CACNA1C: variants seen among roughly 807,000 people sequenced by gnomAD.
CACNA1C encodes the protein voltage-dependent L-type calcium channel subunit alpha-1C.
Under a neutral mutation model 229.0 loss-of-function variants are expected in CACNA1C, and 30 were observed. The ratio of observed to expected loss-of-function variants is 0.13; its 90% CI spans 0.10 to 0.18. The LOEUF (loss-of-function observed/expected upper bound fraction) is 0.18. CACNA1C is among the 10% of genes least tolerant of loss of function. The probability of loss-of-function intolerance (pLI) is 1.00; values close to 1 mark genes in which losing one functional copy is unlikely to be tolerated. For missense variants in CACNA1C, 1,658 were observed against 2,845.0 expected, an observed-to-expected ratio of 0.58 and a Z score of 9.49; for synonymous variants, 1,114 against 1,132.5, an observed-to-expected ratio of 0.98 and a Z score of 0.33.
At chr12:2,184,146 G>A (rs917901267) in intron 3 of CACNA1C, among the ~76,000 whole-genome samples, 7 of 152,212 alleles carry the variant, frequency 4.6e-5, no homozygotes, top group South Asian at 2.1e-4. Flanking sequence ...CTGGGGCTGC[G>A]GTTGTTCTGA....
At chr12:2,522,088 T>C (rs973039468) in intron 9 of CACNA1C, among the ~76,000 whole-genome samples, 1 of 152,184 alleles carries the variant, frequency 6.6e-6, no homozygotes, top group African/African-American at 2.4e-5. Flanking sequence ...ACAGCACCTG[T>C]TTCCTCCCCT....
At chr12:2,036,712 C>G (rs756605832) in intron 1 of CACNA1C, among the ~76,000 whole-genome samples, 7 of 152,118 alleles carry the variant, frequency 4.6e-5, no homozygotes, top group Non-Finnish European at 1.0e-4. Context: ...GATCTGCCCT[C>G]TTCGGCCTCC....
chr12:2,235,405 G>A (rs1370899541), intron 3 of CACNA1C, among the ~76,000 whole-genome samples: 1 of 152,222 alleles, frequency 6.6e-6, no homozygotes, highest in Non-Finnish European at 1.5e-5. Flanking sequence ...CAACCCTGAT[G>A]TGGCAGGACG....
At position 2,677,700 on chromosome 12, in the gene CACNA1C, C is replaced by T. The variant is rs778098452; in HGVS notation, c.4957-33C>T. On this transcript the variant is annotated intron_variant, in intron 40 of 46. Transcript: ENST00000399655. The surrounding 1 kb of genome is among the most constrained non-coding windows in gnomAD (Gnocchi z 7.4). Reference sequence around the variant, plus strand: ...GCTGGGGAGCTTGGAGGAAAGGGAGCGTGGTCCTCACCATCCTCCCCTTGG... The same window carrying T: ...GCTGGGGAGCTTGGAGGAAAGGGAGTGTGGTCCTCACCATCCTCCCCTTGG... 30 of 1,599,178 alleles carry T rather than the reference C, an allele frequency of 1.9e-5. No homozygotes were observed. The highest frequency in any genetic ancestry group is 5.2e-5 in the Admixed American group (3 of 58,196).
At chr12:2,636,090 C>T (rs1208019754) in intron 30 of CACNA1C, among the ~76,000 whole-genome samples, 1 of 152,180 alleles carries the variant, frequency 6.6e-6, no homozygotes, top group Non-Finnish European at 1.5e-5. Context: ...AGTGCTCAGC[C>T]GTGGGAGACA....
chr12:2,119,549 G>T (rs917470609), intron 2 of CACNA1C, among the ~76,000 whole-genome samples: 1 of 152,216 alleles, frequency 6.6e-6, no homozygotes, highest in Non-Finnish European at 1.5e-5. Context: ...ACCTCTGCCT[G>T]CACTACTACT....
chr12:2,611,140 A>T (rs1237027994), intron 28 of CACNA1C, among the ~76,000 whole-genome samples: 1 of 140,294 alleles, frequency 7.1e-6, no homozygotes, highest in Non-Finnish European at 1.5e-5. Flanking sequence ...GATGAGCTGG[A>T]TGCGTTCGTT....
chr12:2,450,460 A>G (rs927478427), intron 4 of CACNA1C, among the ~76,000 whole-genome samples: 5 of 144,634 alleles, frequency 3.5e-5, no homozygotes, highest in East Asian at 2.2e-4. Flanking sequence ...AGGCTGAGGC[A>G]GGAGAATGGC....
chr12:2,653,192 A>G lies in CACNA1C; in HGVS notation c.4075-643A>G, dbSNP rs1434364577. ...CCCAGCTCTGCAAGGCATTGCACTA[A>G]GCACTTTATAAGCCTTAAATCTTTT... On this transcript the variant is annotated intron_variant, in intron 32 of 46. Coordinates refer to ENST00000399655, the MANE Select transcript of CACNA1C (RefSeq NM_000719.7). This position sits in a 1 kb window ranked among gnomAD's most constrained non-coding sequence, Gnocchi z 4.7. 6.6e-6 allele frequency among the ~76,000 whole-genome samples: 1 copy of G among 152,228 alleles called. No homozygotes were observed. The highest frequency in any genetic ancestry group is 2.4e-5 in the African/African-American group (1 of 41,460).
intron 3 of CACNA1C, among the ~76,000 whole-genome samples, chr12:2,316,098 C>T (rs1218005180): frequency 6.6e-6 from 1 of 152,252 alleles, no homozygotes; most frequent in Admixed American, 6.5e-5. Context: ...GTCCCATGCT[C>T]CACCCAGGAA....
chr12:2,160,844 C>T (rs1002697570), intron 3 of CACNA1C, among the ~76,000 whole-genome samples: 1 of 152,160 alleles, frequency 6.6e-6, no homozygotes, highest in Non-Finnish European at 1.5e-5. Flanking sequence ...ATTTTTGAGA[C>T]GGAGTCTTGG....
intron 3 of CACNA1C, among the ~76,000 whole-genome samples, chr12:2,409,124 A>C (rs1024481676): frequency 2.6e-5 from 4 of 152,212 alleles, no homozygotes; most frequent in African/African-American, 7.2e-5. Context: ...ACATGTGATC[A>C]TACACACTTA....
At chr12:2,252,576 G>A (rs1207276267) in intron 3 of CACNA1C, among the ~76,000 whole-genome samples, 2 of 152,196 alleles carry the variant, frequency 1.3e-5, no homozygotes, top group African/African-American at 4.8e-5. Context: ...CTATCAAGAA[G>A]CAGGGACAAG....
chr12:2,097,107 C>A (rs1161734297), intron 1 of CACNA1C, among the ~76,000 whole-genome samples: 1 of 152,102 alleles, frequency 6.6e-6, no homozygotes, highest in African/African-American at 2.4e-5. Context: ...AATGGAATTG[C>A]TGGTTCATAT....
At chr12:2,258,865 G>A (rs566571363) in intron 3 of CACNA1C, among the ~76,000 whole-genome samples, 1 of 152,200 alleles carries the variant, frequency 6.6e-6, no homozygotes, top group African/African-American at 2.4e-5. Context: ...TTTCAGGAGA[G>A]AAGAAGGCAC....
At chr12:2,382,141 A>T (rs2154545705) in intron 3 of CACNA1C, among the ~76,000 whole-genome samples, 2 of 152,380 alleles carry the variant, frequency 1.3e-5, no homozygotes, top group East Asian at 3.9e-4. Flanking sequence ...CTTCTAGCCG[A>T]AATTTCTCAC....
chr12:2,179,595 A>G (rs1479873506), intron 3 of CACNA1C, among the ~76,000 whole-genome samples: 3 of 152,190 alleles, frequency 2.0e-5, no homozygotes, highest in Non-Finnish European at 4.4e-5. Flanking sequence ...CAATTAGTGG[A>G]ATGCTGCTAG....
chr12:2,079,927 G>A (rs1019710416), intron 1 of CACNA1C, among the ~76,000 whole-genome samples: 1 of 152,162 alleles, frequency 6.6e-6, no homozygotes, highest in Non-Finnish European at 1.5e-5. Context: ...TTACTACCTT[G>A]AAAACTGAAG....
upstream of CACNA1C, among the ~76,000 whole-genome samples, chr12:2,052,147 T>G (rs1440133537): frequency 1.3e-5 from 2 of 152,166 alleles, no homozygotes; most frequent in African/African-American, 4.8e-5. Flanking sequence ...CTGGATAGAT[T>G]CCTGCCGGAG....
Sources: allele counts gnomAD v4.1 joint callset (sites outside exome capture counted in the v4.1 genomes callset), GRCh38; gene constraint gnomAD v4.1.1; non-coding constraint Gnocchi (gnomAD v3.1); transcripts MANE v1.5; gene names NCBI Gene and HGNC (gene_info 2026-07-23, HGNC 2026-07-21).